CIB1: variants seen among roughly 807,000 people sequenced by gnomAD.
CIB1 encodes calcium and integrin-binding protein 1.
In CIB1, 19 loss-of-function variants were observed where a neutral mutation model predicts 25.0. The ratio of observed to expected loss-of-function variants is 0.76; its 90% CI spans 0.53 to 1.12. The LOEUF (loss-of-function observed/expected upper bound fraction) is 1.12. Ranked by LOEUF, CIB1 falls within the 50% of genes most tolerant of loss-of-function variation. CIB1 has a pLI of 0.00. For missense variants in CIB1, 236 were observed against 242.6 expected (o/e 0.97, Z 0.18); for synonymous variants, 104 against 98.5 (o/e 1.06, Z -0.33).
the CIB1 span, chr15:90,242,113 G>A: frequency 4.8e-6 from 7 of 1,460,612 alleles, no homozygotes; most frequent in Non-Finnish European, 6.5e-6. Flanking sequence ...TTTTGAGATA[G>A]GGTCTCACTC....
the CIB1 span, among the ~76,000 whole-genome samples, chr15:90,249,169 C>T: frequency 6.7e-5 from 9 of 135,094 alleles, no homozygotes; most frequent in African/African-American, 2.6e-4. Flanking sequence ...TATGATGGTG[C>T]ATTCCACTGC....
chr15:90,254,082 G>A, the CIB1 span, among the ~76,000 whole-genome samples: 1 of 152,154 alleles, frequency 6.6e-6, no homozygotes. Flanking sequence ...GGCCAAGGCA[G>A]GTGGATCAAT....
At chr15:90,257,802 C>G in the CIB1 span, 1 of 1,398,732 alleles carries the variant, frequency 7.1e-7, no homozygotes, top group Non-Finnish European at 1.0e-6. Context: ...CAAGCTGGCT[C>G]TTGGGAGGCT....
the CIB1 span, among the ~76,000 whole-genome samples, chr15:90,251,994 C>T: frequency 1.3e-5 from 2 of 151,892 alleles, no homozygotes; most frequent in South Asian, 4.2e-4. Flanking sequence ...CCTATCTGAG[C>T]TTCCCAGTAG....
chr15:90,239,356 C>T, the CIB1 span, among the ~76,000 whole-genome samples: 4 of 144,630 alleles, frequency 2.8e-5, no homozygotes, highest in African/African-American at 1.1e-4. Flanking sequence ...TCTGTTCTCA[C>T]ACTGCTGTGA....
the CIB1 span, among the ~76,000 whole-genome samples, chr15:90,252,876 G>A: frequency 5.7e-3 from 865 of 152,220 alleles, 7 homozygotes; most frequent in African/African-American, 0.02. Flanking sequence ...GGTGGTGGGC[G>A]CCTGTAGTCC....
At chr15:90,240,211 A>T in the CIB1 span, among the ~76,000 whole-genome samples, 1 of 150,996 alleles carries the variant, frequency 6.6e-6, no homozygotes, top group Non-Finnish European at 1.5e-5. Context: ...TGACAGAGTG[A>T]TAAATAAATA....
the CIB1 span, among the ~76,000 whole-genome samples, chr15:90,247,029 G>A: frequency 6.6e-6 from 1 of 150,802 alleles, no homozygotes; most frequent in African/African-American, 2.4e-5. Flanking sequence ...AGGCTGGAGT[G>A]CAGTGGCACG....
chr15:90,259,858 C>T, the CIB1 span, among the ~76,000 whole-genome samples: 1 of 152,118 alleles, frequency 6.6e-6, no homozygotes, highest in Non-Finnish European at 1.5e-5. Flanking sequence ...AACTGGTCAC[C>T]GATACTAAAA....
chr15:90,262,405 C>A, the CIB1 span: 6 of 1,342,060 alleles, frequency 4.5e-6, no homozygotes, highest in East Asian at 2.6e-5. Flanking sequence ...ATTGTAATTT[C>A]CTGCTCTTTC....
chr15:90,251,000 A>G, the CIB1 span: 1 of 1,383,548 alleles, frequency 7.2e-7, no homozygotes, highest in Non-Finnish European at 9.8e-7. Flanking sequence ...CCTACAAAAG[A>G]GGACAGGAAA....
the CIB1 span, among the ~76,000 whole-genome samples, chr15:90,248,696 G>A: frequency 8.8e-6 from 1 of 113,608 alleles, no homozygotes; most frequent in Admixed American, 1.3e-4. Context: ...TCCAGCCTGG[G>A]CTACAAAGCA....
At chr15:90,230,594 C>T in intron 6 of CIB1, 89 bp from the exon 7 acceptor site, 1 of 1,373,598 alleles carries the variant, frequency 7.3e-7, no homozygotes, top group South Asian at 1.2e-5. Flanking sequence ...TTAGACCCTT[C>T]TTTGGAACGG....
rs376137827 is a variant in CIB1 at position 90,230,449 on chromosome 15, T to A, written c.*35A>T. The A allele has an allele frequency of 2.6e-6, 4 of 1,551,048 alleles. No homozygotes were observed. Among genetic ancestry groups the A allele is most frequent in the Non-Finnish European group, 3.5e-6 (4 of 1,146,758 alleles). ...CACAGCTCAGCAGTAGAAAGGTTCT[T>A]GGACAGGGTGCCAGGACACACGCTG... On this transcript the variant is annotated 3_prime_UTR_variant, in exon 7 of 7. Transcript: ENST00000328649.
upstream of CIB1, among the ~76,000 whole-genome samples, chr15:90,237,875 C>A (rs1962669304): frequency 6.6e-6 from 1 of 152,134 alleles, no homozygotes; most frequent in South Asian, 2.1e-4. Context: ...TTGCTTGAGT[C>A]TGGGAGGCAG....
chr15:90,239,031 G>C (rs184945986), upstream of CIB1, among the ~76,000 whole-genome samples: 1 of 152,294 alleles, frequency 6.6e-6, no homozygotes, highest in Admixed American at 6.5e-5. Flanking sequence ...AACATGACAT[G>C]TTCAATGATG....
At chr15:90,255,821 C>T in the CIB1 span, 201 of 1,614,130 alleles carry the variant, frequency 1.2e-4, no homozygotes, top group South Asian at 9.2e-4. Flanking sequence ...GAACCTCAAC[C>T]GCATGTACAA....
At chr15:90,247,575 T>A in the CIB1 span, among the ~76,000 whole-genome samples, 2 of 151,582 alleles carry the variant, frequency 1.3e-5, no homozygotes, top group East Asian at 3.8e-4. Flanking sequence ...CTACCATGGC[T>A]TCCAGTGTTT....
At chr15:90,242,253 CTTTTTTTTTTTTTTTT>C in the CIB1 span, 1 of 87,896 alleles carries the variant, frequency 1.1e-5, no homozygotes, top group Admixed American at 1.7e-4. Context: ...ACACACCTGG[CTTTTTTTTTTTTTTTT>C]TTTTTTTTTA....
Sources: allele counts gnomAD v4.1 joint callset (sites outside exome capture counted in the v4.1 genomes callset), GRCh38; gene constraint gnomAD v4.1.1; transcripts MANE v1.5; gene names NCBI Gene and HGNC (gene_info 2026-07-23, HGNC 2026-07-21).